The following ZNF804A variants were observed in gnomAD, a reference collection of about 807,000 sequenced individuals.
ZNF804A encodes the protein zinc finger protein 804A.
Under a neutral mutation model 16.5 loss-of-function variants are expected in ZNF804A, and 2 were observed. That is an observed-to-expected ratio of 0.12 (90% confidence interval 0.05 to 0.38). ZNF804A has a LOEUF of 0.38. ZNF804A is among the 10% of genes least tolerant of loss of function. The pLI, the probability that ZNF804A is intolerant of heterozygous loss-of-function variation, is 0.99. For missense variants in ZNF804A, 1,473 were observed against 1,390.7 expected (o/e 1.06, Z -0.94); for synonymous variants, 534 against 489.6 (o/e 1.09, Z -1.20).
At chr2:184,800,517 C>T (rs1394926928) in intron 1 of ZNF804A, among the ~76,000 whole-genome samples, 1 of 151,462 alleles carries the variant, frequency 6.6e-6, no homozygotes, top group Non-Finnish European at 1.5e-5. Context: ...TAAAATATCT[C>T]AAGACTTTTT....
chr2:184,925,002 A>G lies in ZNF804A; in HGVS notation c.256-8601A>G, dbSNP rs1458324301. Among the ~76,000 whole-genome samples, 4 of 152,032 alleles carry G rather than the reference A, an allele frequency of 2.6e-5. No individual in the cohort carries two copies. The East Asian group carries it at 7.7e-4, about 29-fold the overall frequency. ...AATGATCCATATAATGAAGAAAAGA[A>G]TGTGTATTCTGTAGCTGTTGGATGA... On this transcript the variant is annotated intron_variant, in intron 2 of 3. Transcript: ENST00000302277.
At chr2:184,861,375 A>G (rs1055619919) in intron 1 of ZNF804A, among the ~76,000 whole-genome samples, 1 of 152,118 alleles carries the variant, frequency 6.6e-6, no homozygotes, top group African/African-American at 2.4e-5. Flanking sequence ...GCTCTTATGA[A>G]GGTATTTTTG....
intron 1 of ZNF804A, among the ~76,000 whole-genome samples, chr2:184,852,603 T>A (rs936017795): frequency 1.3e-5 from 2 of 151,618 alleles, no homozygotes; most frequent in African/African-American, 4.8e-5. Context: ...TTAAGTCTTT[T>A]ATCAATTTTG....
chr2:184,864,271 T>C lies in ZNF804A; in HGVS notation c.112-2098T>C, dbSNP rs150457035. On this transcript the variant is annotated intron_variant, in intron 1 of 3. Coordinates refer to ENST00000302277, the MANE Select transcript of ZNF804A (RefSeq NM_194250.2). ...GCAAGAGAGAGCTATAGGAAGATGC[T>C]AGGATCTTTTTAACAACCAACTCTC... Among the ~76,000 whole-genome samples the C allele has an allele frequency of 2.8e-4, 43 of 152,168 alleles. No individual in the cohort carries two copies. In the East Asian group the frequency reaches 6.8e-3, roughly 24 times the overall value.
At chr2:184,774,980 C>T (rs557846898) in intron 1 of ZNF804A, among the ~76,000 whole-genome samples, 23 of 150,906 alleles carry the variant, frequency 1.5e-4, no homozygotes, top group East Asian at 2.0e-4. Flanking sequence ...ATGAAATTTT[C>T]GAAAAGCAAC....
intron 1 of ZNF804A, among the ~76,000 whole-genome samples, chr2:184,602,408 G>A (rs1392740686): frequency 2.0e-5 from 3 of 151,858 alleles, no homozygotes; most frequent in Non-Finnish European, 4.4e-5. Context: ...ATAAGTTATA[G>A]GGCTTAACAG....
intron 1 of ZNF804A, among the ~76,000 whole-genome samples, chr2:184,676,552 GTAT>G (rs1692439333): frequency 6.6e-6 from 1 of 151,664 alleles, no homozygotes; most frequent in Admixed American, 6.6e-5. Context: ...AAATAATTTT[GTAT>G]TATATGTTAA....
chr2:184,812,387 A>G (rs1356701535), intron 1 of ZNF804A, among the ~76,000 whole-genome samples: 1 of 152,184 alleles, frequency 6.6e-6, no homozygotes, highest in African/African-American at 2.4e-5. Context: ...AATTCCTTAC[A>G]GTTTCTTTCC....
chr2:184,777,146 T>C (rs1343278839), intron 1 of ZNF804A, among the ~76,000 whole-genome samples: 1 of 151,500 alleles, frequency 6.6e-6, no homozygotes, highest in East Asian at 1.9e-4. Context: ...TCATCCTCCT[T>C]ACCCAAAAGA....
chr2:184,739,419 C>T (rs367998107), intron 1 of ZNF804A, among the ~76,000 whole-genome samples: 8 of 152,176 alleles, frequency 5.3e-5, no homozygotes, highest in Non-Finnish European at 2.9e-5. Context: ...GGGGGAACAG[C>T]GTCTCACTCC....
chr2:184,704,028 G>T (rs1408324905), intron 1 of ZNF804A, among the ~76,000 whole-genome samples: 1 of 152,092 alleles, frequency 6.6e-6, no homozygotes, highest in East Asian at 1.9e-4. Context: ...CTTAAAGAGA[G>T]TTGTAGGGGT....
At chr2:184,776,916 T>C (rs1694297787) in intron 1 of ZNF804A, among the ~76,000 whole-genome samples, 1 of 151,562 alleles carries the variant, frequency 6.6e-6, no homozygotes, top group African/African-American at 2.4e-5. Context: ...GTGGGACTCA[T>C]TACTTTATCT....
chr2:184,795,090 A>C (rs983359532), intron 1 of ZNF804A, among the ~76,000 whole-genome samples: 1 of 152,096 alleles, frequency 6.6e-6, no homozygotes, highest in Admixed American at 6.6e-5. Flanking sequence ...TATTTACAGA[A>C]CACCTATCCA....
At chr2:184,876,277 T>C (rs1397051234) in intron 2 of ZNF804A, among the ~76,000 whole-genome samples, 1 of 152,222 alleles carries the variant, frequency 6.6e-6, no homozygotes, top group East Asian at 1.9e-4. Flanking sequence ...TGATATTTGG[T>C]AATAGAAATA....
At chr2:184,787,312 A>G (rs1488007746) in intron 1 of ZNF804A, among the ~76,000 whole-genome samples, 1 of 151,928 alleles carries the variant, frequency 6.6e-6, no homozygotes, top group Non-Finnish European at 1.5e-5. Flanking sequence ...TGCTGCAGTA[A>G]TCATATAACT....
intron 1 of ZNF804A, among the ~76,000 whole-genome samples, chr2:184,704,558 G>A (rs1692990392): frequency 6.6e-6 from 1 of 152,118 alleles, no homozygotes; most frequent in Non-Finnish European, 1.5e-5. Flanking sequence ...AAGTTCTTGT[G>A]GAAGATTAGT....
In ZNF804A at chr2:184,857,208, T is replaced by A. The variant is rs143801712; in HGVS notation, c.112-9161T>A. Among the ~76,000 whole-genome samples the A allele has an allele frequency of 9.1e-3, 1,387 of 152,208 alleles. 23 individuals carry two copies. Among genetic ancestry groups the A allele is most frequent in the African/African-American group, 0.032 (1,326 of 41,550 alleles). ...TTCATTTGTTTGAAGATAATTTAAA[T>A]TTTTCCTTTTAATTTCTTCAGTGAC... On this transcript the variant is annotated intron_variant, in intron 1 of 3. Transcript: ENST00000302277.
At chr2:184,925,499 A>G (rs762597304) in intron 2 of ZNF804A, among the ~76,000 whole-genome samples, 1 of 151,728 alleles carries the variant, frequency 6.6e-6, no homozygotes, top group Non-Finnish European at 1.5e-5. Flanking sequence ...TAATTTAGCC[A>G]TTCTGTCTTT....
chr2:184,794,052 A>T (rs887102769), intron 1 of ZNF804A, among the ~76,000 whole-genome samples: 1 of 152,082 alleles, frequency 6.6e-6, no homozygotes, highest in Non-Finnish European at 1.5e-5. Context: ...GTATCTTTTT[A>T]AAATAATTAC....
Sources: gnomAD v4.1 joint callset for allele counts (sites outside exome capture counted in the v4.1 genomes callset) on GRCh38, gnomAD v4.1.1 for gene constraint, MANE v1.5 for transcripts, NCBI Gene and HGNC (gene_info 2026-07-23, HGNC 2026-07-21) for gene names.